Variants in PPP2R2C observed in about 807,000 individuals in gnomAD.
The protein encoded by PPP2R2C is protein phosphatase 2, regulatory subunit B, gamma.
PPP2R2C carries 10 observed loss-of-function variants against 45.3 expected under a neutral mutation model. The observed-to-expected ratio is 0.22, with a 90% confidence interval of 0.14 to 0.37. PPP2R2C has a LOEUF of 0.37. PPP2R2C is among the 10% of genes least tolerant of loss of function. The probability of loss-of-function intolerance (pLI) is 1.00; values close to 1 mark genes in which losing one functional copy is unlikely to be tolerated. For missense variants in PPP2R2C, 308 were observed against 619.7 expected (o/e 0.50, Z 5.34); for synonymous variants, 257 against 245.4 (o/e 1.05, Z -0.44).
At chr4:6,542,319 A>T (rs1724825624) in intron 1 of PPP2R2C, among the ~76,000 whole-genome samples, 1 of 152,254 alleles carries the variant, frequency 6.6e-6, no homozygotes, top group Non-Finnish European at 1.5e-5. Context: ...AAAAAGATTA[A>T]TAAAGTCAAC....
intron 2 of PPP2R2C, among the ~76,000 whole-genome samples, chr4:6,501,350 G>A (rs190759021): frequency 7.2e-5 from 11 of 152,168 alleles, no homozygotes; most frequent in Admixed American, 5.9e-4. Flanking sequence ...TCTGCATCAG[G>A]GATGGAGCAG....
intron 1 of PPP2R2C, among the ~76,000 whole-genome samples, chr4:6,427,702 A>G (rs1261728186): frequency 6.6e-6 from 1 of 152,222 alleles, no homozygotes; most frequent in East Asian, 1.9e-4. Flanking sequence ...TTACACATCT[A>G]ACAGACACGG....
In PPP2R2C at chr4:6,406,295, T is replaced by C. The variant is rs73798230; in HGVS notation, c.71-25201A>G. On this transcript the variant is annotated intron_variant, in intron 1 of 8. Transcript: ENST00000382599. ...TGGACCAGCACCTTCCATGGGGAAG[T>C]TGGTCTTTCTTAACCCACTATCATT... 7.0e-3 allele frequency among the ~76,000 whole-genome samples: 1,066 copies of C among 152,258 alleles called. 12 individuals are homozygous for C. The highest frequency in any genetic ancestry group is 0.024 in the African/African-American group (1,013 of 41,538).
intron 5 of PPP2R2C, among the ~76,000 whole-genome samples, chr4:6,357,171 T>C (rs1012269029): frequency 3.0e-4 from 43 of 144,730 alleles, no homozygotes; most frequent in East Asian, 1.9e-3. Flanking sequence ...CTGGACTCTG[T>C]GTCATCTGAG....
At chr4:6,520,538 C>G (rs1242444080) in intron 2 of PPP2R2C, among the ~76,000 whole-genome samples, 1 of 152,198 alleles carries the variant, frequency 6.6e-6, no homozygotes, top group Non-Finnish European at 1.5e-5. Context: ...CATGACAGGG[C>G]CATCCCCAGG....
intron 2 of PPP2R2C, among the ~76,000 whole-genome samples, chr4:6,532,745 T>C (rs1724446119): frequency 6.6e-6 from 1 of 152,180 alleles, no homozygotes; most frequent in Non-Finnish European, 1.5e-5. Flanking sequence ...GCCATCTGGA[T>C]CACTGCAGCT....
chr4:6,432,651 C>T (rs189272872), intron 1 of PPP2R2C, among the ~76,000 whole-genome samples: 40 of 152,304 alleles, frequency 2.6e-4, no homozygotes, highest in African/African-American at 7.9e-4. Flanking sequence ...AACACGCATA[C>T]GCATTTCTAT....
chr4:6,349,903 A>C (rs1228452779), intron 5 of PPP2R2C: 1 of 985,188 alleles, frequency 1.0e-6, no homozygotes, highest in African/African-American at 1.7e-5. Context: ...AAAAGCAAGC[A>C]AGCAGTATTT....
rs183008713 is a variant in PPP2R2C at position 6,349,020 on chromosome 4, C to T, written c.626-1010G>A. On this transcript the variant is annotated intron_variant, in intron 5 of 8. Coordinates refer to ENST00000382599, the MANE Select transcript of PPP2R2C (RefSeq NM_020416.4). ...GATTCAGCCTCACAACCTCCCCGGC[C>T]CCAGCACCTGCTCTTTTCCTATCCC... is the stretch of plus-strand genomic sequence containing the variant. 2,080 of 985,420 alleles carry T rather than the reference C, an allele frequency of 2.1e-3. 3 individuals are homozygous for T. Among genetic ancestry groups the T allele is most frequent in the Non-Finnish European group, 2.4e-3 (2,000 of 829,920 alleles). 61.0% of individuals were successfully genotyped at this position (985,420 alleles called of 1,614,324 possible).
chr4:6,349,713 C>G lies in PPP2R2C; in HGVS notation c.626-1703G>C, dbSNP rs1044655890. The G allele has an allele frequency of 4.2e-6, 3 of 708,152 alleles. No individual in the cohort carries two copies. The African/African-American group carries it at 5.9e-5, about 14-fold the overall frequency. 43.9% of individuals were successfully genotyped at this position (708,152 alleles called of 1,614,324 possible). A position where few individuals can be genotyped will look rare whatever the true frequency, so the allele number is the denominator to read the frequency against. On this transcript the variant is annotated intron_variant, in intron 5 of 8. Coordinates refer to ENST00000382599, the MANE Select transcript of PPP2R2C (RefSeq NM_020416.4). ...AGAAATTAGTTGGAGACAAGCCTGA[C>G]CAACATTGCAAAACCCCATCTCTAC...
At chr4:6,375,768 C>A in intron 4 of PPP2R2C, 51 bp downstream of exon 4, 1 of 1,419,254 alleles carries the variant, frequency 7.0e-7, no homozygotes, top group Non-Finnish European at 9.8e-7. Flanking sequence ...CCCTAAAATC[C>A]TCAGGTGTAA....
At chr4:6,442,858 C>G (rs1461073653) in intron 1 of PPP2R2C, among the ~76,000 whole-genome samples, 1 of 152,238 alleles carries the variant, frequency 6.6e-6, no homozygotes, top group African/African-American at 2.4e-5. Flanking sequence ...CAGCACCGAG[C>G]AGCTAGTGGC....
rs1732351305 is a variant in PPP2R2C, at chr4:6,330,827, G to A, written c.961-1474C>T. Among the ~76,000 whole-genome samples the A allele has an allele frequency of 2.0e-5, 3 of 152,284 alleles. No individual in the cohort carries two copies. Among genetic ancestry groups the A allele is most frequent in the East Asian group, 3.9e-4 (2 of 5,178 alleles). On this transcript the variant is annotated intron_variant, in intron 7 of 8. Transcript: ENST00000382599. This position sits in a 1 kb window ranked among gnomAD's most constrained non-coding sequence, Gnocchi z 7.0. The stretch of plus-strand genomic sequence containing the variant: ...CTATTCACTGCACACAGGATGGTTA[G>A]ACAAGGCTACCTGACTCCCGCCTGG...
At chr4:6,445,210 A>AC (rs557484141) in intron 1 of PPP2R2C, among the ~76,000 whole-genome samples, 1 of 147,086 alleles carries the variant, frequency 6.8e-6, no homozygotes, top group African/African-American at 2.6e-5. Flanking sequence ...AATAAAAACA[A>AC]AAAAAAAAAC....
At chr4:6,350,818 C>T in intron 5 of PPP2R2C, 1 of 985,432 alleles carries the variant, frequency 1.0e-6, no homozygotes, top group Non-Finnish European at 1.2e-6. Context: ...GTTCCCTCCG[C>T]AATGAGATCG....
At position 6,563,226 on chromosome 4, in the gene PPP2R2C, G is replaced by T. The variant is rs1725641877; in HGVS notation, c.-59+334C>A. ...GACACCGGTGGAGCGATCTGCCCTGGCTCGCGCGGCGAGCAAGTGCTGGAG... is the reference window on the plus strand; with the variant it reads ...GACACCGGTGGAGCGATCTGCCCTGTCTCGCGCGGCGAGCAAGTGCTGGAG... On this transcript the variant is annotated intron_variant, in intron 1 of 9. Coordinates refer to the PPP2R2C transcript ENST00000506140. The surrounding 1 kb of genome is among the most constrained non-coding windows in gnomAD (Gnocchi z 5.8). Among the ~76,000 whole-genome samples the T allele has an allele frequency of 6.6e-6, 1 of 152,202 alleles. No homozygotes were observed. Among genetic ancestry groups the T allele is most frequent in the African/African-American group, 2.4e-5 (1 of 41,464 alleles).
chr4:6,441,526 C>T (rs187953870), intron 1 of PPP2R2C, among the ~76,000 whole-genome samples: 39 of 152,306 alleles, frequency 2.6e-4, no homozygotes, highest in African/African-American at 7.0e-4. Context: ...CTCTCCACCT[C>T]GCCTCTGTTC....
chr4:6,435,399 T>G (rs960539329), intron 1 of PPP2R2C, among the ~76,000 whole-genome samples: 1 of 152,254 alleles, frequency 6.6e-6, no homozygotes. Flanking sequence ...TATCTCAACT[T>G]TATACTCTTG....
chr4:6,507,996 G>A (rs1723294961), intron 2 of PPP2R2C, among the ~76,000 whole-genome samples: 3 of 152,232 alleles, frequency 2.0e-5, no homozygotes, highest in Non-Finnish European at 4.4e-5. Context: ...ATTTGATGCT[G>A]AGCACAGTGA....
Sources: allele counts gnomAD v4.1 joint callset (sites outside exome capture counted in the v4.1 genomes callset), GRCh38; gene constraint gnomAD v4.1.1; non-coding constraint Gnocchi (gnomAD v3.1); transcripts MANE v1.5; gene names NCBI Gene and HGNC (gene_info 2026-07-23, HGNC 2026-07-21).